CTNND2: variants seen among roughly 807,000 people sequenced by gnomAD.
CTNND2 encodes the protein catenin delta 2, also known as catenin delta-2.
CTNND2 carries 22 observed loss-of-function variants against 144.4 expected under a neutral mutation model. The ratio of observed to expected loss-of-function variants is 0.15; its 90% CI spans 0.11 to 0.22. The LOEUF is 0.22. CTNND2 is among the 10% of genes least tolerant of loss of function. The probability of loss-of-function intolerance (pLI) is 1.00; values close to 1 mark genes in which losing one functional copy is unlikely to be tolerated. For synonymous variants in CTNND2, 751 were observed against 695.6 expected, an observed-to-expected ratio of 1.08 and a Z score of -1.25; for missense variants, 1,353 against 1,618.8, an observed-to-expected ratio of 0.84 and a Z score of 2.82.
intron 18 of CTNND2, among the ~76,000 whole-genome samples, chr5:11,004,834 C>T (rs1740321703): frequency 6.8e-6 from 1 of 148,066 alleles, no homozygotes; most frequent in African/African-American, 2.5e-5. Context: ...AGTCACTGAA[C>T]ATGCCCTCTG....
chr5:11,485,257 T>C (rs1173715734), intron 3 of CTNND2, among the ~76,000 whole-genome samples: 1 of 152,160 alleles, frequency 6.6e-6, no homozygotes, highest in South Asian at 2.1e-4. Flanking sequence ...AAACATTTTA[T>C]GCAATCAGTA....
At chr5:11,037,450 C>T (rs1303844371) in intron 16 of CTNND2, among the ~76,000 whole-genome samples, 3 of 152,170 alleles carry the variant, frequency 2.0e-5, no homozygotes, top group African/African-American at 4.8e-5. Context: ...CTTAGTTACA[C>T]GCATCCCTAT....
intron 10 of CTNND2, among the ~76,000 whole-genome samples, chr5:11,225,999 G>A (rs1366510560): frequency 6.6e-6 from 1 of 152,210 alleles, no homozygotes; most frequent in Non-Finnish European, 1.5e-5. Context: ...TAAAGCCAAA[G>A]AATGCTGAGT....
chr5:11,019,495 T>G (rs1454745686), intron 17 of CTNND2, among the ~76,000 whole-genome samples: 1 of 152,236 alleles, frequency 6.6e-6, no homozygotes, highest in Non-Finnish European at 1.5e-5. Flanking sequence ...TTTGCATAGT[T>G]ACAAAACCAA....
intron 3 of CTNND2, among the ~76,000 whole-genome samples, chr5:11,418,994 C>CTA (rs1234616170): frequency 1.3e-5 from 2 of 149,656 alleles, no homozygotes; most frequent in Non-Finnish European, 3.0e-5. Flanking sequence ...ACATGCATCT[C>CTA]TCTATATATA....
intron 9 of CTNND2, among the ~76,000 whole-genome samples, chr5:11,261,389 C>T (rs924287442): frequency 6.6e-6 from 1 of 152,194 alleles, no homozygotes; most frequent in Non-Finnish European, 1.5e-5. Flanking sequence ...TTGTTGCACA[C>T]TGACACTGTG....
At chr5:11,322,362 A>T (rs947919467) in intron 9 of CTNND2, among the ~76,000 whole-genome samples, 16 of 152,202 alleles carry the variant, frequency 1.1e-4, no homozygotes, top group Non-Finnish European at 2.4e-4. Flanking sequence ...GGTAATTTTA[A>T]TGTTACCACA....
At chr5:11,370,382 C>G (rs11748929) in intron 7 of CTNND2, among the ~76,000 whole-genome samples, 37,604 of 151,966 alleles carry the variant, frequency 0.25, 4,911 homozygotes, top group Non-Finnish European at 0.3. Flanking sequence ...GGTTCTAATG[C>G]TGGGATCACA....
At chr5:11,808,828 G>T (rs1792152403) in intron 1 of CTNND2, among the ~76,000 whole-genome samples, 1 of 152,138 alleles carries the variant, frequency 6.6e-6, no homozygotes, top group South Asian at 2.1e-4. Flanking sequence ...TTAAAAATAA[G>T]TTTTATTGTA....
intron 2 of CTNND2, among the ~76,000 whole-genome samples, chr5:11,676,915 G>C (rs1328997343): frequency 6.6e-6 from 1 of 152,078 alleles, no homozygotes; most frequent in Non-Finnish European, 1.5e-5. Context: ...TTATATTTAA[G>C]TTTACCAAAC....
intron 9 of CTNND2, among the ~76,000 whole-genome samples, chr5:11,285,455 C>A (rs2150004883): frequency 6.6e-6 from 1 of 152,278 alleles, no homozygotes; most frequent in Non-Finnish European, 1.5e-5. Flanking sequence ...AGATCAAAGA[C>A]AAGGGAGAAG....
chr5:11,016,532 C>A (rs1741617471), intron 18 of CTNND2, among the ~76,000 whole-genome samples: 2 of 152,196 alleles, frequency 1.3e-5, no homozygotes, highest in South Asian at 4.1e-4. Context: ...GTCCCACGTC[C>A]CTGGCCAGTG....
In CTNND2 at chr5:11,380,639, A is replaced by T. The variant is rs188742462; in HGVS notation, c.1177+4026T>A. 1.1e-3 allele frequency among the ~76,000 whole-genome samples: 162 copies of T among 152,286 alleles called. 4 individuals carry two copies. In the East Asian group the frequency reaches 0.023, roughly 21 times the overall value. On this transcript the variant is annotated intron_variant, in intron 7 of 21. Coordinates refer to ENST00000304623, the MANE Select transcript of CTNND2 (RefSeq NM_001332.4). ...GATCTTTGGGTTCTGATGACTTAAC[A>T]TCTGAGAAGTTACACTCTGTAGGTT...
At chr5:11,479,922 G>A (rs1024277507) in intron 3 of CTNND2, among the ~76,000 whole-genome samples, 3 of 152,138 alleles carry the variant, frequency 2.0e-5, no homozygotes, top group Admixed American at 6.5e-5. Flanking sequence ...TTTGTAAGAT[G>A]CATAGTTTGC....
chr5:11,123,873 ACT>A (rs1248428109), intron 12 of CTNND2, among the ~76,000 whole-genome samples: 3 of 152,084 alleles, frequency 2.0e-5, no homozygotes, highest in Non-Finnish European at 4.4e-5. Flanking sequence ...TGATGTATAG[ACT>A]CTGAACAACA....
intron 3 of CTNND2, among the ~76,000 whole-genome samples, chr5:11,528,081 C>T (rs756606895): frequency 5.9e-5 from 9 of 152,142 alleles, no homozygotes; most frequent in East Asian, 1.9e-4. Context: ...TAAAAGCTCG[C>T]GGGGGACTTA....
At chr5:11,604,981 A>G (rs1779976962) in intron 2 of CTNND2, among the ~76,000 whole-genome samples, 1 of 152,242 alleles carries the variant, frequency 6.6e-6, no homozygotes, top group African/African-American at 2.4e-5. Context: ...AGCAAGGAAC[A>G]ACAGCTCTGA....
At position 11,189,262 on chromosome 5, in the gene CTNND2, G is replaced by A. The variant is rs921198373; in HGVS notation, c.1975+10186C>T. On this transcript the variant is annotated intron_variant, in intron 11 of 21. Transcript: ENST00000304623. ...ATTAGGAAGAAAGCCATATCATAAG[G>A]AAGGCTGGTCTATGGCTGTAAGGTG... 3.3e-5 allele frequency among the ~76,000 whole-genome samples: 5 copies of A among 152,280 alleles called. No homozygotes were observed. The South Asian group carries it at 1.0e-3, about 32-fold the overall frequency.
At chr5:11,706,750 GT>G (rs201779503) in intron 2 of CTNND2, among the ~76,000 whole-genome samples, 1 of 151,768 alleles carries the variant, frequency 6.6e-6, no homozygotes, top group Non-Finnish European at 1.5e-5. Context: ...ATCATAATTA[GT>G]TTTTTTTGAT....
Sources: gnomAD v4.1 joint callset for allele counts (sites outside exome capture counted in the v4.1 genomes callset) on GRCh38, gnomAD v4.1.1 for gene constraint, MANE v1.5 for transcripts, NCBI Gene and HGNC (gene_info 2026-07-23, HGNC 2026-07-21) for gene names.